Variants in HSF5 observed in about 807,000 individuals in gnomAD.
HSF5 encodes the protein heat shock factor protein 5.
In HSF5, 5 loss-of-function variants were observed where a neutral mutation model predicts 50.8. The ratio of observed to expected loss-of-function variants is 0.10; its 90% confidence interval spans 0.05 to 0.21. The LOEUF (loss-of-function observed/expected upper bound fraction) is 0.21, where lower values mean the gene tolerates loss of function less well. Among genes scored for constraint, HSF5 ranks in the 10% least tolerant of loss-of-function variants. The pLI is 1.00. For missense variants in HSF5, 564 were observed against 762.6 expected (o/e 0.74, Z 3.07); for synonymous variants, 307 against 307.4 (o/e 1.00, Z 0.02).
At chr17:58,471,731 A>G (rs1157579064) in intron 2 of HSF5, among the ~76,000 whole-genome samples, 3 of 151,518 alleles carry the variant, frequency 2.0e-5, no homozygotes, top group Admixed American at 2.0e-4. Context: ...GGCTACAGGC[A>G]TGAGCCACCA....
At chr17:58,462,267 C>T (rs1042709308) in intron 4 of HSF5, among the ~76,000 whole-genome samples, 4 of 152,108 alleles carry the variant, frequency 2.6e-5, no homozygotes, top group African/African-American at 9.7e-5. Flanking sequence ...TTTAGGAGTG[C>T]AGATATTAGT....
At chr17:58,441,087 T>C (rs1598184643) in intron 5 of HSF5, among the ~76,000 whole-genome samples, 1 of 152,162 alleles carries the variant, frequency 6.6e-6, no homozygotes, top group Non-Finnish European at 1.5e-5. Context: ...TTCACCAAGA[T>C]AGACCATACA....
intron 5 of HSF5, among the ~76,000 whole-genome samples, chr17:58,448,303 G>C (rs1254679825): frequency 1.3e-5 from 2 of 151,936 alleles, no homozygotes; most frequent in African/African-American, 4.8e-5. Context: ...AAAGAAAAAG[G>C]GGTAGAAAAC....
At chr17:58,466,602 T>C (rs1974870116) in intron 3 of HSF5, among the ~76,000 whole-genome samples, 1 of 152,346 alleles carries the variant, frequency 6.6e-6, no homozygotes, top group East Asian at 1.9e-4. Context: ...GAAATGTGAC[T>C]AGTATAACTG....
In HSF5 at chr17:58,421,652, C is replaced by T. The variant is rs964612793; in HGVS notation, c.*708G>A. On this transcript the variant is annotated 3_prime_UTR_variant, in exon 6 of 6. Coordinates refer to ENST00000323777, the MANE Select transcript of HSF5 (RefSeq NM_001080439.3). ...TGATATATTAATAAAATCTTTTTAC[C>T]ATTTATGATAATGTATCATTAAAAT... 6.6e-6 allele frequency: 1 copy of T among 152,096 alleles called. No homozygotes were observed. The highest frequency in any genetic ancestry group is 2.4e-5 in the African/African-American group (1 of 41,334). 9.4% of individuals were successfully genotyped at this position (152,096 alleles called of 1,614,324 possible).
intron 5 of HSF5, among the ~76,000 whole-genome samples, chr17:58,446,572 C>T (rs1003233406): frequency 1.1e-4 from 16 of 152,158 alleles, no homozygotes; most frequent in African/African-American, 3.6e-4. Flanking sequence ...GAAGATAATC[C>T]ACTGCCACAG....
In HSF5 at chr17:58,461,689, TG is replaced by T. The variant is rs201163986; in HGVS notation, c.1542+1092del. ...GAGTTCAAGACCAGCCTGGTCAACATGGTGGAACCCCGTCTCTACTAAAAAT... is the reference window on the plus strand; with the variant it reads ...GAGTTCAAGACCAGCCTGGTCAACATGTGGAACCCCGTCTCTACTAAAAAT... On this transcript the variant is annotated intron_variant, in intron 4 of 5. Transcript: ENST00000323777. Among the ~76,000 whole-genome samples, 787 of 152,244 alleles carry T rather than the reference TG, an allele frequency of 5.2e-3. 11 individuals carry two copies. Among genetic ancestry groups the T allele is most frequent in the African/African-American group, 0.018 (733 of 41,546 alleles).
intron 1 of HSF5, among the ~76,000 whole-genome samples, chr17:58,480,839 G>A (rs1975090296): frequency 6.6e-6 from 1 of 151,730 alleles, no homozygotes; most frequent in Non-Finnish European, 1.5e-5. Context: ...CCAGGTTGCA[G>A]TGCAGTGATG....
intron 5 of HSF5, among the ~76,000 whole-genome samples, chr17:58,451,327 A>C (rs1974638240): frequency 6.6e-6 from 1 of 152,226 alleles, no homozygotes; most frequent in African/African-American, 2.4e-5. Context: ...ACTGTGCTTT[A>C]GACCTAATGG....
intron 3 of HSF5, among the ~76,000 whole-genome samples, chr17:58,464,634 TTTTTG>T (rs1318888223): frequency 1.3e-5 from 2 of 152,196 alleles, no homozygotes; most frequent in African/African-American, 4.8e-5. Context: ...TTTTTAAAAT[TTTTTG>T]TTTTGTTTTT....
At chr17:58,486,518 C>T (rs893066245) in intron 1 of HSF5, among the ~76,000 whole-genome samples, 2 of 152,140 alleles carry the variant, frequency 1.3e-5, no homozygotes, top group Non-Finnish European at 2.9e-5. Flanking sequence ...TGTGAGCTTT[C>T]TAAAATTCTT....
intron 4 of HSF5, among the ~76,000 whole-genome samples, chr17:58,462,118 A>C (rs1272967676): frequency 6.6e-6 from 1 of 152,224 alleles, no homozygotes; most frequent in Non-Finnish European, 1.5e-5. Flanking sequence ...TCCTCTTATA[A>C]AATGAGAACG....
intron 5 of HSF5, among the ~76,000 whole-genome samples, chr17:58,440,921 GA>G (rs1179806842): frequency 6.6e-6 from 1 of 150,804 alleles, no homozygotes; most frequent in Non-Finnish European, 1.5e-5. Context: ...AAATGTGGAG[GA>G]AAAAAATATG....
rs1327692364 is a variant in HSF5 at position 58,421,576 on chromosome 17, T to A, written c.*784A>T. 6.6e-6 allele frequency: 1 copy of A among 152,208 alleles called. No individual in the cohort carries two copies. The highest frequency in any genetic ancestry group is 2.4e-5 in the African/African-American group (1 of 41,456). 9.4% of individuals were successfully genotyped at this position (152,208 alleles called of 1,614,324 possible). A position where few individuals can be genotyped will look rare whatever the true frequency, so the allele number is the denominator to read the frequency against. On this transcript the variant is annotated 3_prime_UTR_variant, in exon 6 of 6. Transcript: ENST00000323777. The stretch of plus-strand genomic sequence containing the variant: ...CTTTAAATCTATCAGCATTTATAAA[T>A]ACAATTATATTAAACAAGTTAAATA...
intron 5 of HSF5, among the ~76,000 whole-genome samples, chr17:58,439,664 A>G (rs1439444118): frequency 6.6e-6 from 1 of 152,030 alleles, no homozygotes; most frequent in Non-Finnish European, 1.5e-5. Context: ...CTGTATTTTC[A>G]GTAGAGACGG....
At chr17:58,440,430 T>G (rs1317435915) in intron 5 of HSF5, among the ~76,000 whole-genome samples, 2 of 152,128 alleles carry the variant, frequency 1.3e-5, no homozygotes, top group African/African-American at 4.8e-5. Context: ...ATTAAGGTGA[T>G]CCCTAATTGC....
intron 5 of HSF5, among the ~76,000 whole-genome samples, chr17:58,429,965 A>C (rs2063066790): frequency 6.6e-6 from 1 of 152,196 alleles, no homozygotes; most frequent in Non-Finnish European, 1.5e-5. Context: ...AATGGCTATA[A>C]ATACAAAATT....
Position 58,464,566 on chromosome 17 carries a change from C to G in HSF5, c.1021-1263G>C, listed in dbSNP as rs779504742. 2.6e-5 allele frequency among the ~76,000 whole-genome samples: 4 copies of G among 152,180 alleles called. No individual in the cohort carries two copies. The East Asian group carries it at 5.8e-4, about 22-fold the overall frequency. The stretch of plus-strand genomic sequence containing the variant: ...GAATCTGAAACACTTTCCCATTTTT[C>G]TATTTCAAAATTTTATGTGTGCTTA... On this transcript the variant is annotated intron_variant, in intron 3 of 5. Coordinates refer to ENST00000323777, the MANE Select transcript of HSF5 (RefSeq NM_001080439.3).
At chr17:58,461,441 C>G (rs1974792357) in intron 4 of HSF5, among the ~76,000 whole-genome samples, 1 of 151,776 alleles carries the variant, frequency 6.6e-6, no homozygotes, top group Non-Finnish European at 1.5e-5. Context: ...TATCTTGGGA[C>G]TTTCTAACAA....
Sources: gnomAD v4.1 joint callset for allele counts (sites outside exome capture counted in the v4.1 genomes callset) on GRCh38, gnomAD v4.1.1 for gene constraint, MANE v1.5 for transcripts, NCBI Gene and HGNC (gene_info 2026-07-23, HGNC 2026-07-21) for gene names.